TSTD2: variants seen among roughly 807,000 people sequenced by gnomAD.
TSTD2 encodes the protein thiosulfate sulfurtransferase/rhodanese-like domain-containing protein 2.
A neutral mutation model predicts 47.9 loss-of-function variants in TSTD2; 37 were observed. The ratio of observed to expected loss-of-function variants is 0.77; its 90% CI spans 0.59 to 1.02. The LOEUF is 1.02. Among genes scored for constraint, TSTD2 ranks in the 50% least tolerant of loss-of-function variants. The pLI, the probability that TSTD2 is intolerant of heterozygous loss-of-function variation, is 0.00. For missense variants in TSTD2, 586 were observed against 616.0 expected (o/e 0.95, Z 0.52); for synonymous variants, 201 against 215.9 (o/e 0.93, Z 0.61).
At chr9:97,616,553 C>G (rs1230449511) in intron 4 of TSTD2, among the ~76,000 whole-genome samples, 1 of 151,888 alleles carries the variant, frequency 6.6e-6, no homozygotes, top group Non-Finnish European at 1.5e-5. Context: ...GAGAAGGGAA[C>G]GGAATTAAGG....
At position 97,601,399 on chromosome 9, in the gene TSTD2, G is replaced by A. The variant is rs1411503545; in HGVS notation, c.*1070C>T. On this transcript the variant is annotated 3_prime_UTR_variant, in exon 10 of 10. Coordinates refer to ENST00000341170, the MANE Select transcript of TSTD2 (RefSeq NM_139246.5). Reference sequence around the variant, plus strand: ...TTCCAGGTGCTGATCTAAAAACTGTGGCTCAAATGTCACCGAGCTTATATG... The same window carrying A: ...TTCCAGGTGCTGATCTAAAAACTGTAGCTCAAATGTCACCGAGCTTATATG... 5.8e-6 allele frequency: 6 copies of A among 1,039,380 alleles called. No individual in the cohort carries two copies. The highest frequency in any genetic ancestry group is 7.0e-6 in the Non-Finnish European group (6 of 860,820). The allele number at this position is 1,039,380 out of a possible 1,614,324, so 64.4% of individuals were successfully genotyped here.
intron 4 of TSTD2, among the ~76,000 whole-genome samples, chr9:97,617,541 G>A (rs2131312505): frequency 6.6e-6 from 1 of 152,302 alleles, no homozygotes; most frequent in Non-Finnish European, 1.5e-5. Context: ...GGTTCTTCAA[G>A]AAAAAGTTTG....
At chr9:97,604,547 C>T in intron 9 of TSTD2, 180 bp downstream of exon 9, 1 of 926,618 alleles carries the variant, frequency 1.1e-6, no homozygotes, top group Non-Finnish European at 1.5e-6. Context: ...CTCCTGACTC[C>T]TGGGCTAGGG....
In TSTD2 at chr9:97,617,737, A is replaced by C; in HGVS notation, c.603+20T>G. 1 of 1,607,578 alleles carries C rather than the reference A, an allele frequency of 6.2e-7. No individual in the cohort carries two copies. Among genetic ancestry groups the C allele is most frequent in the Non-Finnish European group, 8.5e-7 (1 of 1,177,740 alleles). Reference sequence around the variant, plus strand: ...GCAAGATGGACCCAGTGAAGGAAGGAATATAGGAGAAGGTGTTACCTTGCC... The same window carrying C: ...GCAAGATGGACCCAGTGAAGGAAGGCATATAGGAGAAGGTGTTACCTTGCC... On this transcript the variant is annotated intron_variant, in intron 4 of 9. Transcript: ENST00000341170.
chr9:97,617,854 T>C lies in TSTD2; in HGVS notation c.506A>G (p.Glu169Gly). ...LISGQGSEEG[E>G]VLLYYCYHDL... ...ATGGTAGCAGTAATAAAGGAGCACC[T>C]CCCCTTCTTCACTGCCCTGGCCACT... Residue 169 changes from glutamate (E) to glycine (G), a missense_variant, in exon 4 of 10, where the codon GAG becomes GGG. Glu to Gly is a moderately conservative substitution (Grantham distance 98, BLOSUM62 -2). Coordinates refer to ENST00000341170, the MANE Select transcript of TSTD2 (RefSeq NM_139246.5). 1 of 1,613,850 alleles carries C rather than the reference T, an allele frequency of 6.2e-7. No homozygotes were observed. The highest frequency in any genetic ancestry group is 8.5e-7 in the Non-Finnish European group (1 of 1,179,906).
chr9:97,632,320 TGAG>T (rs777465384), intron 1 of TSTD2, among the ~76,000 whole-genome samples: 1 of 151,598 alleles, frequency 6.6e-6, no homozygotes, highest in Non-Finnish European at 1.5e-5. Flanking sequence ...TGGAGTACAG[TGAG>T]GAGAAGTAGA....
At position 97,604,827 on chromosome 9, in the gene TSTD2, G is replaced by A; in HGVS notation, c.1152C>T (p.Ile384=). Residue 384 remains isoleucine, a synonymous_variant, in exon 9 of 10, where the codon ATC becomes ATT. Coordinates refer to ENST00000341170, the MANE Select transcript of TSTD2 (RefSeq NM_139246.5). ...CAGGAAACTCTTCCAGGTACTTGTG[G>A]ATGCCACCCTTGAGCTGGAACACCT... is the stretch of plus-strand genomic sequence containing the variant. The part of the protein sequence containing the change: ...CKEVFQLKGG[I]HKYLEEFPDG... The A allele has an allele frequency of 6.2e-7, 1 of 1,614,198 alleles. No individual in the cohort carries two copies.
rs143953055 is a variant in TSTD2 at position 97,604,725 on chromosome 9, A to G, written c.1252+2T>C. The stretch of plus-strand genomic sequence containing the variant: ...TTGGGCTCTGAGCCTGTGCTGACCT[A>G]CCTGACACCACATCACTGTTGTAGG... On this transcript the variant is annotated splice_donor_variant, in intron 9 of 9. Transcript: ENST00000341170. LOFTEE classifies it high-confidence loss of function. The G allele has an allele frequency of 7.4e-6, 12 of 1,614,080 alleles. No homozygotes were observed. Among genetic ancestry groups the G allele is most frequent in the Non-Finnish European group, 1.0e-5 (12 of 1,180,034 alleles).
intron 1 of TSTD2, among the ~76,000 whole-genome samples, chr9:97,627,970 C>G (rs550008850): frequency 5.2e-4 from 79 of 152,248 alleles, no homozygotes; most frequent in East Asian, 1.9e-4. Flanking sequence ...CCTTCGAACA[C>G]AGAGAGTAGG....
intron 6 of TSTD2, 54 bp from the exon 7 acceptor site, chr9:97,606,315 C>A: frequency 9.4e-7 from 1 of 1,065,698 alleles, no homozygotes; most frequent in Non-Finnish European, 1.4e-6. Context: ...AACCAAAACC[C>A]AATCATGACT....
In TSTD2 at chr9:97,620,566, T is replaced by G. The variant is rs369575398; in HGVS notation, c.483-2689A>C. Among the ~76,000 whole-genome samples, 44 of 152,312 alleles carry G rather than the reference T, an allele frequency of 2.9e-4. No individual in the cohort carries two copies. The South Asian group carries it at 6.6e-3, about 23-fold the overall frequency. ...GACGACAAGAAGATGTGGGAAAGTT[T>G]GGAACTCCCTAGAGACTTGTTGAAT... On this transcript the variant is annotated intron_variant, in intron 3 of 9. Transcript: ENST00000341170.
At chr9:97,623,889 T>C (rs1826677857) in intron 3 of TSTD2, among the ~76,000 whole-genome samples, 1 of 151,884 alleles carries the variant, frequency 6.6e-6, no homozygotes, top group South Asian at 2.1e-4. Context: ...ACAAACAATG[T>C]CAACTGACTG....
intron 6 of TSTD2, among the ~76,000 whole-genome samples, chr9:97,609,661 A>AAG (rs1826425221): frequency 6.6e-6 from 1 of 152,224 alleles, no homozygotes; most frequent in Non-Finnish European, 1.5e-5. Context: ...ATCTTTTAAA[A>AAG]CAAATTTTTA....
chr9:97,625,582 T>C, intron 3 of TSTD2, 99 bp downstream of exon 3: 1 of 1,147,074 alleles, frequency 8.7e-7, no homozygotes, highest in Non-Finnish European at 1.2e-6. Flanking sequence ...ACACAGTTGG[T>C]CTTTCTCACT....
intron 3 of TSTD2, among the ~76,000 whole-genome samples, chr9:97,619,769 G>A (rs1046911284): frequency 6.6e-6 from 1 of 152,138 alleles, no homozygotes. Flanking sequence ...GTCAACAGGA[G>A]GCTATTAGTA....
rs1826245912 is a variant in TSTD2, at chr9:97,601,040, T to C, written c.*1429A>G. 7.7e-7 allele frequency: 1 copy of C among 1,303,272 alleles called. No individual in the cohort carries two copies. Among genetic ancestry groups the C allele is most frequent in the Non-Finnish European group, 1.0e-6 (1 of 988,462 alleles). The allele number at this position is 1,303,272 out of a possible 1,614,324, so 80.7% of individuals were successfully genotyped here. On this transcript the variant is annotated 3_prime_UTR_variant, in exon 10 of 10. Coordinates refer to ENST00000341170, the MANE Select transcript of TSTD2 (RefSeq NM_139246.5). ...GATGAAAAGGTGAAGGCCTGCGCAC[T>C]GAACTGTAAGGCAGTGGGCAGTACA... is the stretch of plus-strand genomic sequence containing the variant.
In TSTD2 at chr9:97,600,149, C is replaced by T. The variant is rs779743757; in HGVS notation, c.*2320G>A. ...GCTATTAGCAAATAAAACTGATTAT[C>T]ATTCTTTATTAACCCTCCTTGGAAT... On this transcript the variant is annotated 3_prime_UTR_variant, in exon 10 of 10. Transcript: ENST00000341170. 4.4e-5 allele frequency: 44 copies of T among 1,001,654 alleles called. No individual in the cohort carries two copies. Among genetic ancestry groups the T allele is most frequent in the Non-Finnish European group, 4.9e-5 (41 of 838,056 alleles). 62.0% of individuals were successfully genotyped at this position (1,001,654 alleles called of 1,614,324 possible).
intron 1 of TSTD2, among the ~76,000 whole-genome samples, chr9:97,631,656 C>T (rs1424474005): frequency 1.3e-5 from 2 of 152,130 alleles, no homozygotes; most frequent in African/African-American, 4.8e-5. Context: ...CCAGCCTGGC[C>T]AACATGGCGA....
intron 4 of TSTD2, among the ~76,000 whole-genome samples, chr9:97,617,179 T>A (rs1826557649): frequency 6.6e-6 from 1 of 152,132 alleles, no homozygotes; most frequent in Non-Finnish European, 1.5e-5. Context: ...GGAGACAATA[T>A]GTGAGCCGAG....
Sources: gnomAD v4.1 joint callset for allele counts (sites outside exome capture counted in the v4.1 genomes callset) on GRCh38, gnomAD v4.1.1 for gene constraint, MANE v1.5 for transcripts, NCBI Gene and HGNC (gene_info 2026-07-23, HGNC 2026-07-21) for gene names.